AMZ1: variants seen among roughly 807,000 people sequenced by gnomAD.
AMZ1 encodes archaelysin family metallopeptidase 1, also known as archaemetzincin-1.
In AMZ1, 39 loss-of-function variants were observed where a neutral mutation model predicts 29.9. That is an observed-to-expected ratio of 1.30 (90% CI 1.01 to 1.70). The LOEUF is 1.70. Ranked by LOEUF, AMZ1 falls within the 40% of genes most tolerant of loss-of-function variation. The pLI, the probability that AMZ1 is intolerant of heterozygous loss-of-function variation, is 0.00. For missense variants in AMZ1, 1,041 were observed against 680.6 expected (o/e 1.53, Z -5.89); for synonymous variants, 458 against 304.0 (o/e 1.51, Z -5.27).
intron 1 of AMZ1, among the ~76,000 whole-genome samples, chr7:2,680,683 C>T (rs962710874): frequency 3.9e-5 from 6 of 152,244 alleles, no homozygotes; most frequent in African/African-American, 7.2e-5. Context: ...TTGGACGAAG[C>T]CGCTGGGCCG....
Position 2,716,280 on chromosome 7 carries a change from T to A in AMZ1, c.*3402T>A, listed in dbSNP as rs1020217952. On this transcript the variant is annotated 3_prime_UTR_variant, in exon 7 of 7. Transcript: ENST00000683327. ...CCCGCAGTCCTCTTCCGAAATCTCATTCTTTTCCCTCTCTTCCTCCCCAAA... is the reference window on the plus strand; with the variant it reads ...CCCGCAGTCCTCTTCCGAAATCTCAATCTTTTCCCTCTCTTCCTCCCCAAA... 3 of 152,106 alleles carry A rather than the reference T, an allele frequency of 2.0e-5. No homozygotes were observed. The highest frequency in any genetic ancestry group is 4.4e-5 in the Non-Finnish European group (3 of 68,044). The allele number at this position is 152,106 out of a possible 1,614,324, so 9.4% of individuals were successfully genotyped here.
At chr7:2,685,134 G>A (rs1259016329), upstream of AMZ1, among the ~76,000 whole-genome samples, 1 of 151,802 alleles carries the variant, frequency 6.6e-6, no homozygotes, top group Non-Finnish European at 1.5e-5. Flanking sequence ...CTCCCAAAGT[G>A]CTGGGATTAC....
rs78369115 is a variant in AMZ1, at chr7:2,714,825, G to C, written c.*1947G>C. 1 of 152,288 alleles carries C rather than the reference G, an allele frequency of 6.6e-6. No individual in the cohort carries two copies. 9.4% of individuals were successfully genotyped at this position (152,288 alleles called of 1,614,324 possible). A position where few individuals can be genotyped will look rare whatever the true frequency, so the allele number is the denominator to read the frequency against. On this transcript the variant is annotated 3_prime_UTR_variant, in exon 7 of 7. Transcript: ENST00000683327. The stretch of plus-strand genomic sequence containing the variant: ...GGGGCATCTTCTTAGGAAGGCAGCT[G>C]CCATACCGTGAGGAAACCCGACAAA...
At chr7:2,706,482 C>A (rs1282107050) in intron 3 of AMZ1, among the ~76,000 whole-genome samples, 5 of 152,210 alleles carry the variant, frequency 3.3e-5, no homozygotes, top group African/African-American at 9.7e-5. Flanking sequence ...ATCGCTGGAG[C>A]CTGCAGTTCT....
chr7:2,726,191 T>G lies in AMZ1; in HGVS notation n.550+16375T>G, dbSNP rs374375301. Among the ~76,000 whole-genome samples the G allele has an allele frequency of 3.9e-5, 6 of 152,338 alleles. 1 individual carries two copies. Among genetic ancestry groups the G allele is most frequent in the African/African-American group, 1.4e-4 (6 of 41,570 alleles). On this transcript the variant is annotated intron_variant and non_coding_transcript_variant, in intron 4 of 4. Coordinates refer to the AMZ1 transcript ENST00000489665. ...AGGCTGCATGTGCGTGAGGAAAGAT[T>G]AGCAAGGATTTCATCTCTGCCCTTA...
chr7:2,688,566 C>T (rs1319124300), intron 1 of AMZ1, among the ~76,000 whole-genome samples: 2 of 152,198 alleles, frequency 1.3e-5, no homozygotes, highest in East Asian at 3.9e-4. Flanking sequence ...CCACGCGCCC[C>T]CTCCCCGCCA....
At position 2,712,926 on chromosome 7, in the gene AMZ1, C is replaced by T. The variant is rs759367993; in HGVS notation, c.*48C>T. 20 of 1,496,034 alleles carry T rather than the reference C, an allele frequency of 1.3e-5. No individual in the cohort carries two copies. In the East Asian group the frequency reaches 2.3e-4, roughly 17 times the overall value. The allele number at this position is 1,496,034 out of a possible 1,614,324, so 92.7% of individuals were successfully genotyped here. Reference sequence around the variant, plus strand: ...CTCCTTCCCTAAGGATGCTGGCCAGCACTGTCCAGTAGCTGAGGCCACTAC... The same window carrying T: ...CTCCTTCCCTAAGGATGCTGGCCAGTACTGTCCAGTAGCTGAGGCCACTAC... On this transcript the variant is annotated 3_prime_UTR_variant, in exon 7 of 7. Coordinates refer to ENST00000683327, the MANE Select transcript of AMZ1 (RefSeq NM_001384743.1).
intron 1 of AMZ1, among the ~76,000 whole-genome samples, chr7:2,696,106 G>T (rs1400067869): frequency 6.6e-6 from 1 of 151,754 alleles, no homozygotes; most frequent in African/African-American, 2.4e-5. Context: ...CACAACCTCT[G>T]ATTCTGGGTG....
At chr7:2,729,644 C>T (rs987454930) in intron 4 of AMZ1, 4 of 152,332 alleles carry the variant, frequency 2.6e-5, no homozygotes, top group African/African-American at 9.6e-5. Flanking sequence ...GGGTGAGCTG[C>T]AGAGGGGCTC....
At chr7:2,749,282 C>T (rs1790911224) in intron 4 of AMZ1, among the ~76,000 whole-genome samples, 1 of 152,114 alleles carries the variant, frequency 6.6e-6, no homozygotes, top group South Asian at 2.1e-4. Context: ...CAATGATAGA[C>T]TGGATTAAGA....
chr7:2,704,405 G>C (rs1038085175), intron 3 of AMZ1, among the ~76,000 whole-genome samples: 1 of 151,986 alleles, frequency 6.6e-6, no homozygotes, highest in African/African-American at 2.4e-5. Context: ...GGGAGGCTGA[G>C]AGTTTGAAAC....
intron 4 of AMZ1, among the ~76,000 whole-genome samples, chr7:2,737,269 GTT>G (rs1317020597): frequency 2.6e-5 from 1 of 38,110 alleles, no homozygotes; most frequent in Non-Finnish European, 5.4e-5. Context: ...TCACAGTTTT[GTT>G]TTGTTTTTTT....
chr7:2,707,276 CAAAA>C (rs34223369), intron 3 of AMZ1, among the ~76,000 whole-genome samples: 7 of 144,742 alleles, frequency 4.8e-5, no homozygotes, highest in Non-Finnish European at 7.6e-5. Flanking sequence ...CACTCCATCT[CAAAA>C]AAAAAAAACA....
At chr7:2,692,954 CTCTG>C (rs1337924218) in intron 1 of AMZ1, among the ~76,000 whole-genome samples, 4 of 152,224 alleles carry the variant, frequency 2.6e-5, no homozygotes, top group African/African-American at 7.2e-5. Flanking sequence ...GTACACCCAC[CTCTG>C]TCTGGGACGG....
Position 2,737,209 on chromosome 7 carries a change from G to A in AMZ1, n.550+27393G>A, listed in dbSNP as rs991769644. The stretch of plus-strand genomic sequence containing the variant: ...AACAAACACCAACTTCCAGCTCCTG[G>A]CCAGAGGGCCTTTTAATTTTAAACC... On this transcript the variant is annotated intron_variant and non_coding_transcript_variant, in intron 4 of 4. Coordinates refer to the AMZ1 transcript ENST00000489665. Among the ~76,000 whole-genome samples the A allele has an allele frequency of 4.0e-5, 6 of 149,680 alleles. No homozygotes were observed. The East Asian group carries it at 7.9e-4, about 20-fold the overall frequency.
upstream of AMZ1, among the ~76,000 whole-genome samples, chr7:2,683,493 A>G (rs1172552345): frequency 6.6e-6 from 1 of 152,058 alleles, no homozygotes; most frequent in Non-Finnish European, 1.5e-5. Flanking sequence ...GCTGGAGTGC[A>G]GTGGCACGAT....
At position 2,679,898 on chromosome 7, in the gene AMZ1, C is replaced by T. The variant is rs568848954; in HGVS notation, c.-219+227C>T. Among the ~76,000 whole-genome samples the T allele has an allele frequency of 4.7e-4, 72 of 152,302 alleles. 1 individual carries two copies. In the South Asian group the frequency reaches 0.013, roughly 27 times the overall value. Reference sequence around the variant, plus strand: ...AGGAGCTTCATCCTGGGGCTTCATCCGAGTTGAGGAGGCCCAGCTGGGGGT... The same window carrying T: ...AGGAGCTTCATCCTGGGGCTTCATCTGAGTTGAGGAGGCCCAGCTGGGGGT... On this transcript the variant is annotated intron_variant, in intron 1 of 6. Coordinates refer to the AMZ1 transcript ENST00000312371.
intron 1 of AMZ1, among the ~76,000 whole-genome samples, chr7:2,682,754 C>T (rs1328546431): frequency 1.3e-5 from 2 of 152,160 alleles, no homozygotes; most frequent in African/African-American, 4.8e-5. Flanking sequence ...AGCAACCCCC[C>T]TCCCCAGATG....
In AMZ1 at chr7:2,712,556, A is replaced by C; in HGVS notation, c.1175A>C (p.Glu392Ala). 1 of 1,610,168 alleles carries C rather than the reference A, an allele frequency of 6.2e-7. No homozygotes were observed. Among genetic ancestry groups the C allele is most frequent in the Non-Finnish European group, 8.5e-7 (1 of 1,178,442 alleles). ...EEGLSYLAASEAPLPPGGPAE... is the reference protein window; with the variant it reads ...EEGLSYLAASAAPLPPGGPAE... ...GGGCTGAGCTACCTGGCAGCCTCAG[A>C]GGCTCCGCTGCCACCTGGGGGCCCT... Residue 392 changes from glutamate (E) to alanine (A), a missense_variant, in exon 7 of 7, where the codon GAG becomes GCG. Physicochemically the swap from Glu to Ala is moderately radical, Grantham distance 107 (BLOSUM62 -1). Transcript: ENST00000683327.
Sources: allele counts gnomAD v4.1 joint callset (sites outside exome capture counted in the v4.1 genomes callset), GRCh38; gene constraint gnomAD v4.1.1; transcripts MANE v1.5; gene names NCBI Gene and HGNC (gene_info 2026-07-23, HGNC 2026-07-21).